Variants in DENND1B observed in about 807,000 individuals in gnomAD.
DENND1B encodes the protein DENN domain containing 1B, also known as DENN domain-containing protein 1B.
In DENND1B, 59 loss-of-function variants were observed where a neutral mutation model predicts 90.1. The observed-to-expected ratio is 0.65, with a 90% confidence interval of 0.53 to 0.81. DENND1B has a LOEUF of 0.81. DENND1B is among the 40% of genes least tolerant of loss of function. The pLI is 0.00. For missense variants in DENND1B, 862 were observed against 912.6 expected (o/e 0.94, Z 0.71); for synonymous variants, 337 against 324.6 (o/e 1.04, Z -0.41).
intron 10 of DENND1B, among the ~76,000 whole-genome samples, chr1:197,629,521 C>T (rs1182727693): frequency 9.3e-6 from 1 of 107,366 alleles, no homozygotes; most frequent in African/African-American, 3.8e-5. Flanking sequence ...ACTCTGGGGA[C>T]TGTTGTGGGG....
intron 20 of DENND1B, among the ~76,000 whole-genome samples, chr1:197,521,115 C>A (rs980477220): frequency 6.6e-6 from 1 of 151,846 alleles, no homozygotes; most frequent in East Asian, 1.9e-4. Context: ...AGAAAATGTA[C>A]ACAAAATGTG....
intron 20 of DENND1B, among the ~76,000 whole-genome samples, chr1:197,529,888 A>G (rs545364464): frequency 6.6e-6 from 1 of 152,104 alleles, no homozygotes; most frequent in Non-Finnish European, 1.5e-5. Flanking sequence ...TTCTCAGTGG[A>G]CTCACTGGCC....
At chr1:197,721,195 G>C (rs1048933352) in intron 2 of DENND1B, among the ~76,000 whole-genome samples, 1 of 149,652 alleles carries the variant, frequency 6.7e-6, no homozygotes, top group Admixed American at 6.8e-5. Flanking sequence ...TCAGTCTCCT[G>C]AGTAGCTGGG....
At chr1:197,628,591 G>A (rs1467644482) in intron 10 of DENND1B, among the ~76,000 whole-genome samples, 44 of 152,018 alleles carry the variant, frequency 2.9e-4, no homozygotes, top group African/African-American at 1.0e-3. Flanking sequence ...AAACCTAGGT[G>A]TTACCATTCA....
At chr1:197,770,519 T>A (rs1656300246) in intron 2 of DENND1B, among the ~76,000 whole-genome samples, 1 of 151,492 alleles carries the variant, frequency 6.6e-6, no homozygotes, top group African/African-American at 2.4e-5. Flanking sequence ...GGCAAATTGA[T>A]CTTTTAACAA....
intron 3 of DENND1B, among the ~76,000 whole-genome samples, chr1:197,707,264 C>G (rs558200053): frequency 2.1e-4 from 32 of 152,082 alleles, no homozygotes; most frequent in African/African-American, 7.5e-4. Context: ...GAAGGGCAGG[C>G]AGGGGCTTGG....
intron 2 of DENND1B, among the ~76,000 whole-genome samples, chr1:197,759,489 G>T (rs185178568): frequency 6.6e-6 from 1 of 151,124 alleles, no homozygotes; most frequent in East Asian, 1.9e-4. Context: ...ATTCCAAAAT[G>T]AAAGTATCTG....
Position 197,545,916 on chromosome 1 carries a change from A to T in DENND1B, c.1350+6T>A, listed in dbSNP as rs776683502. 61 of 1,599,162 alleles carry T rather than the reference A, an allele frequency of 3.8e-5. 1 individual carries two copies. The highest frequency in any genetic ancestry group is 2.0e-4 in the Admixed American group (11 of 56,174). ...AATAGGATTGTTAAATATCAAAAAAACTTACAAATTTATATGCTGTCCGTA... is the reference window on the plus strand; with the variant it reads ...AATAGGATTGTTAAATATCAAAAAATCTTACAAATTTATATGCTGTCCGTA... On this transcript the variant is annotated splice_donor_region_variant and intron_variant, in intron 18 of 22. Transcript: ENST00000620048.
chr1:197,515,329 G>T (rs533142005), intron 20 of DENND1B, among the ~76,000 whole-genome samples: 31 of 151,640 alleles, frequency 2.0e-4, no homozygotes, highest in Non-Finnish European at 3.1e-4. Context: ...TAAGTTTAAG[G>T]TACATGAGTT....
chr1:197,754,337 T>A (rs1353180775), intron 2 of DENND1B, among the ~76,000 whole-genome samples: 1 of 152,070 alleles, frequency 6.6e-6, no homozygotes, highest in African/African-American at 2.4e-5. Context: ...AATACAAGTA[T>A]AAATGAGATA....
chr1:197,561,988 C>T (rs1672207718), intron 15 of DENND1B, among the ~76,000 whole-genome samples: 1 of 151,768 alleles, frequency 6.6e-6, no homozygotes, highest in Non-Finnish European at 1.5e-5. Context: ...CCACTTTTGG[C>T]CACCCCACAG....
chr1:197,623,523 T>C (rs1678363240), intron 10 of DENND1B, among the ~76,000 whole-genome samples: 1 of 151,550 alleles, frequency 6.6e-6, no homozygotes, highest in African/African-American at 2.4e-5. Context: ...AAGAAAATGT[T>C]TGGAGAACAG....
At chr1:197,512,616 C>G (rs1668109646) in intron 21 of DENND1B, among the ~76,000 whole-genome samples, 1 of 151,504 alleles carries the variant, frequency 6.6e-6, no homozygotes, top group Non-Finnish European at 1.5e-5. Flanking sequence ...TTCTATTGCC[C>G]CTTTAACACT....
chr1:197,573,446 T>C (rs956198649), intron 15 of DENND1B, among the ~76,000 whole-genome samples: 3 of 152,182 alleles, frequency 2.0e-5, no homozygotes, highest in Non-Finnish European at 4.4e-5. Context: ...GCTCTGAAAT[T>C]GTGGCAATAA....
chr1:197,506,926 TAA>T lies in DENND1B; in HGVS notation c.*3532_*3533del, dbSNP rs1407193065. On this transcript the variant is annotated 3_prime_UTR_variant, in exon 23 of 23. Transcript: ENST00000620048. The stretch of plus-strand genomic sequence containing the variant: ...GCAGCCTGGTTATCTGATAATAAGA[TAA>T]AGACACTCAGTTTCTAAAAGAGTCT... 2 of 151,326 alleles carry T rather than the reference TAA, an allele frequency of 1.3e-5. No individual in the cohort carries two copies. Among genetic ancestry groups the T allele is most frequent in the African/African-American group, 4.8e-5 (2 of 41,330 alleles). 9.4% of individuals were successfully genotyped at this position (151,326 alleles called of 1,614,324 possible).
intron 2 of DENND1B, among the ~76,000 whole-genome samples, chr1:197,764,210 G>A (rs1348232382): frequency 1.3e-5 from 2 of 152,122 alleles, no homozygotes; most frequent in African/African-American, 2.4e-5. Context: ...TGTGCTTTGG[G>A]CAAGTTGTTG....
At chr1:197,671,732 AT>A (rs11313966) in intron 5 of DENND1B, among the ~76,000 whole-genome samples, 4,667 of 151,018 alleles carry the variant, frequency 0.031, 244 homozygotes, top group African/African-American at 0.11. Context: ...AATTTAACTT[AT>A]TTTTTTTTGT....
chr1:197,655,726 G>A (rs984326213), intron 6 of DENND1B, among the ~76,000 whole-genome samples: 2 of 151,948 alleles, frequency 1.3e-5, no homozygotes, highest in African/African-American at 2.4e-5. Context: ...TAGAGACGGG[G>A]TTTCACTGTG....
chr1:197,756,693 T>C (rs966358051), intron 2 of DENND1B, among the ~76,000 whole-genome samples: 3 of 149,622 alleles, frequency 2.0e-5, no homozygotes, highest in African/African-American at 7.4e-5. Context: ...TCACTAATAA[T>C]AAACTAATAA....
Sources: gnomAD v4.1 joint callset for allele counts (sites outside exome capture counted in the v4.1 genomes callset) on GRCh38, gnomAD v4.1.1 for gene constraint, MANE v1.5 for transcripts, NCBI Gene and HGNC (gene_info 2026-07-23, HGNC 2026-07-21) for gene names.